Variants in TMEM232 observed in about 807,000 individuals in gnomAD.
TMEM232 encodes transmembrane protein 232.
TMEM232 carries 80 observed loss-of-function variants against 78.8 expected under a neutral mutation model. The ratio of observed to expected loss-of-function variants is 1.01; its 90% CI spans 0.85 to 1.22. TMEM232 has a LOEUF of 1.22. Ranked by LOEUF, TMEM232 falls within the 50% of genes most tolerant of loss-of-function variation. The pLI is 0.00. For synonymous variants in TMEM232, 297 were observed against 254.3 expected, an observed-to-expected ratio of 1.17 and a Z score of -1.60; for missense variants, 881 against 742.2, an observed-to-expected ratio of 1.19 and a Z score of -2.17.
Position 110,485,859 on chromosome 5 carries a change from T to G in TMEM232, c.1703+42729A>C, listed in dbSNP as rs375351166. 1.2e-4 allele frequency among the ~76,000 whole-genome samples: 19 copies of G among 152,292 alleles called. 1 individual carries two copies. Among genetic ancestry groups the G allele is most frequent in the Middle Eastern group, 6.8e-3 (2 of 294 alleles). ...GTGGTGAGATTGTTGGATCAAATGGTAGTTCTAATTTTAGTTCTTTAAGGA... is the reference window on the plus strand; with the variant it reads ...GTGGTGAGATTGTTGGATCAAATGGGAGTTCTAATTTTAGTTCTTTAAGGA... On this transcript the variant is annotated intron_variant, in intron 12 of 13. Coordinates refer to ENST00000455884, the MANE Select transcript of TMEM232 (RefSeq NM_001039763.4).
intron 1 of TMEM232, among the ~76,000 whole-genome samples, chr5:110,717,633 G>C: frequency 6.6e-6 from 1 of 152,106 alleles, no homozygotes; most frequent in Non-Finnish European, 1.5e-5. Flanking sequence ...ATCTCGAATT[G>C]TAACCTCCAT....
At chr5:110,672,000 G>A (rs1791413662) in intron 1 of TMEM232, among the ~76,000 whole-genome samples, 1 of 152,030 alleles carries the variant, frequency 6.6e-6, no homozygotes, top group Admixed American at 6.6e-5. Context: ...AGCATTTAAT[G>A]CCAAATGGAT....
chr5:110,568,537 A>T lies in TMEM232; in HGVS notation c.1365T>A (p.Asp455Glu). The T allele has an allele frequency of 6.5e-7, 1 of 1,549,510 alleles. No homozygotes were observed. The highest frequency in any genetic ancestry group is 8.7e-7 in the Non-Finnish European group (1 of 1,145,740). ...TTTGCCATATCATGTTTCTAAGTCC[A>T]TCCTGTTCTTCGTCTCCTTGAAGTT... The part of the protein sequence containing the change: ...SWELQGDEEQ[D>E]GLRNMIWQTL... Residue 455 changes from aspartate (D) to glutamate (E), a missense_variant, in exon 11 of 14, where the codon GAT becomes GAA. Physicochemically the swap from Asp to Glu is conservative, Grantham distance 45. Coordinates refer to ENST00000455884, the MANE Select transcript of TMEM232 (RefSeq NM_001039763.4).
intron 12 of TMEM232, among the ~76,000 whole-genome samples, chr5:110,432,372 T>A (rs972020030): frequency 6.6e-6 from 1 of 151,654 alleles, no homozygotes; most frequent in East Asian, 1.9e-4. Context: ...GAATTTCAAA[T>A]CCTGCCAAAC....
chr5:110,571,520 T>C (rs1332673922), intron 10 of TMEM232, among the ~76,000 whole-genome samples: 1 of 151,774 alleles, frequency 6.6e-6, no homozygotes, highest in Non-Finnish European at 1.5e-5. Flanking sequence ...GGACAGTTTA[T>C]ACTAAAAATA....
intron 8 of TMEM232, among the ~76,000 whole-genome samples, chr5:110,615,694 T>C (rs1782836202): frequency 6.6e-6 from 1 of 151,986 alleles, no homozygotes; most frequent in African/African-American, 2.4e-5. Flanking sequence ...AATAAAACTA[T>C]CTTTGTTTGC....
intron 1 of TMEM232, among the ~76,000 whole-genome samples, chr5:110,716,014 C>G (rs531045811): frequency 6.6e-6 from 1 of 152,188 alleles, no homozygotes; most frequent in South Asian, 2.1e-4. Context: ...CCCACCACTC[C>G]CAGCTTTGAG....
At chr5:110,738,196 C>A, upstream of TMEM232, 1 of 1,280,852 alleles carries the variant, frequency 7.8e-7, no homozygotes. Flanking sequence ...AAGTCTTCCT[C>A]AGATCTGGGG....
intron 1 of TMEM232, among the ~76,000 whole-genome samples, chr5:110,682,590 C>G (rs937707734): frequency 1.7e-4 from 26 of 151,706 alleles, no homozygotes; most frequent in African/African-American, 6.3e-4. Context: ...TCTGAAATGG[C>G]CAAAAAAATG....
chr5:110,629,254 T>C, intron 5 of TMEM232, among the ~76,000 whole-genome samples: 1 of 152,028 alleles, frequency 6.6e-6, no homozygotes, highest in East Asian at 1.9e-4. Context: ...AAATATAATA[T>C]TCAAAAATGT....
At chr5:110,391,164 TGTAA>T (rs1262475562) in intron 3 of TMEM232, among the ~76,000 whole-genome samples, 1 of 152,146 alleles carries the variant, frequency 6.6e-6, no homozygotes, top group African/African-American at 2.4e-5. Context: ...CTGCATAGCT[TGTAA>T]GTATGTCCTG....
intron 2 of TMEM232, among the ~76,000 whole-genome samples, chr5:110,731,973 G>A (rs1561584022): frequency 6.6e-6 from 1 of 152,098 alleles, no homozygotes; most frequent in African/African-American, 2.4e-5. Flanking sequence ...GCTTTTAACA[G>A]CACCCAAGTC....
intron 1 of TMEM232, among the ~76,000 whole-genome samples, chr5:110,673,004 G>A (rs13358463): frequency 0.051 from 7,689 of 152,062 alleles, 645 homozygotes; most frequent in African/African-American, 0.18. Flanking sequence ...ACATGCACAC[G>A]CATGTTTATT....
At chr5:110,596,633 G>A (rs189471596) in intron 10 of TMEM232, among the ~76,000 whole-genome samples, 1,569 of 152,124 alleles carry the variant, frequency 0.01, 23 homozygotes, top group African/African-American at 0.035. Flanking sequence ...CTGGCAAACC[G>A]AATCCAGCAG....
At chr5:110,474,982 C>T (rs867372787) in intron 12 of TMEM232, among the ~76,000 whole-genome samples, 36 of 151,910 alleles carry the variant, frequency 2.4e-4, no homozygotes, top group Middle Eastern at 3.4e-3. Flanking sequence ...CAAATTAGTT[C>T]CTAGATTCAA....
At position 110,526,088 on chromosome 5, in the gene TMEM232, C is replaced by G. The variant is rs988464513; in HGVS notation, c.1703+2500G>C. 2.8e-5 allele frequency among the ~76,000 whole-genome samples: 4 copies of G among 142,590 alleles called. No homozygotes were observed. The South Asian group carries it at 8.8e-4, about 31-fold the overall frequency. 93.5% of individuals were successfully genotyped at this position (142,590 alleles called of 152,430 possible). A position where few individuals can be genotyped will look rare whatever the true frequency, so the allele number is the denominator to read the frequency against. ...AATACTTACAATGTACATAACAAAT[C>G]CTTAAAAATAGTAAAAGATAATATT... On this transcript the variant is annotated intron_variant, in intron 12 of 13. Transcript: ENST00000455884.
intron 5 of TMEM232, among the ~76,000 whole-genome samples, chr5:110,634,581 A>T (rs575629579): frequency 6.6e-6 from 1 of 152,040 alleles, no homozygotes; most frequent in East Asian, 1.9e-4. Flanking sequence ...ATTAAACAAC[A>T]TGTTTCTGAA....
At position 110,420,705 on chromosome 5, in the gene TMEM232, G is replaced by C; in HGVS notation, c.1849C>G (p.Gln617Glu). 2 of 1,525,846 alleles carry C rather than the reference G, an allele frequency of 1.3e-6. No homozygotes were observed. Among genetic ancestry groups the C allele is most frequent in the South Asian group, 2.4e-5 (2 of 81,670 alleles). 94.5% of individuals were successfully genotyped at this position (1,525,846 alleles called of 1,614,324 possible). A position where few individuals can be genotyped will look rare whatever the true frequency, so the allele number is the denominator to read the frequency against. The change falls in exon 14 of 14, where the codon CAA becomes GAA. Residue 617 changes from glutamine to glutamate, a missense_variant. Coordinates refer to ENST00000455884, the MANE Select transcript of TMEM232 (RefSeq NM_001039763.4). ...GCTAACTTTTTATCTTTAAGTTCTT[G>C]GGCCTTGCATATTGCATCTTCTTTT... ...REKEDAICKA[Q>E]ELKDKKLAEK...
At chr5:110,489,501 C>T (rs990468657) in intron 12 of TMEM232, among the ~76,000 whole-genome samples, 2 of 152,002 alleles carry the variant, frequency 1.3e-5, no homozygotes, top group African/African-American at 4.8e-5. Context: ...ATGTAAGGCA[C>T]GTCTTCAACC....
Sources: allele counts gnomAD v4.1 joint callset (sites outside exome capture counted in the v4.1 genomes callset), GRCh38; gene constraint gnomAD v4.1.1; transcripts MANE v1.5; gene names NCBI Gene and HGNC (gene_info 2026-07-23, HGNC 2026-07-21).